The following POLG variants were observed in gnomAD, a reference collection of about 807,000 sequenced individuals.
POLG encodes the protein DNA polymerase subunit gamma-1.
Under a neutral mutation model 155.4 loss-of-function variants are expected in POLG, and 110 were observed. The observed-to-expected ratio is 0.71, with a 90% CI of 0.61 to 0.83. POLG has a LOEUF of 0.83. Among genes scored for constraint, POLG ranks in the 40% least tolerant of loss-of-function variants. POLG has a pLI of 0.00. For synonymous variants in POLG, 701 were observed against 631.5 expected (o/e 1.11, Z -1.65); for missense variants, 1,685 against 1,627.5 (o/e 1.04, Z -0.61).
At chr15:89,323,679 G>T in intron 12 of POLG, 136 bp downstream of exon 12, 1 of 846,504 alleles carries the variant, frequency 1.2e-6, no homozygotes. Flanking sequence ...ACACGTGTGG[G>T]GCCTCCCAGG....
intron 10 of POLG, among the ~76,000 whole-genome samples, chr15:89,325,087 AGTGAGTGAGTGAGAGAGTG>A (rs2055465084): frequency 2.1e-5 from 2 of 97,042 alleles, no homozygotes; most frequent in African/African-American, 1.2e-4. Flanking sequence ...TGAGTGAGAG[AGTGAGTGAGTGAGAGAGTG>A]AGAGAGAGTG....
intron 10 of POLG, among the ~76,000 whole-genome samples, chr15:89,325,087 AGTGAGTGAGT>A (rs1567189220): frequency 0.036 from 3,496 of 97,068 alleles, 762 homozygotes; most frequent in East Asian, 0.053. Flanking sequence ...TGAGTGAGAG[AGTGAGTGAGT>A]GAGAGAGTGA....
At position 89,333,590 on chromosome 15, in the gene POLG, CTGCTGT is replaced by C; in HGVS notation, c.159_164del (p.Gln54_Gln55del). ...AGGATAGCACTTGCGGCTGCTGAGG[CTGCTGT>C]TGCTGCTGCTGCTGCTGCTGCTGCT... On this transcript the variant is annotated inframe_deletion, in exon 2 of 23. Transcript: ENST00000268124. 1 of 1,603,002 alleles carries C rather than the reference CTGCTGT, an allele frequency of 6.2e-7. No homozygotes were observed. The highest frequency in any genetic ancestry group is 8.5e-7 in the Non-Finnish European group (1 of 1,176,208).
intron 10 of POLG, among the ~76,000 whole-genome samples, chr15:89,325,115 T>TGAGTGAGA (rs2055471519): frequency 6.8e-5 from 2 of 29,260 alleles, no homozygotes; most frequent in African/African-American, 5.2e-4. Context: ...TGAGAGAGAG[T>TGAGTGAGA]GAGTGAGTGA....
At chr15:89,327,844 A>G (rs1185620863) in intron 6 of POLG, among the ~76,000 whole-genome samples, 4 of 152,166 alleles carry the variant, frequency 2.6e-5, no homozygotes, top group African/African-American at 9.7e-5. Flanking sequence ...CGTGAAGGAT[A>G]GATATCTTTA....
chr15:89,321,370 G>A, intron 16 of POLG, 110 bp from the exon 17 acceptor site: 1 of 1,265,922 alleles, frequency 7.9e-7, no homozygotes, highest in Non-Finnish European at 1.1e-6. Context: ...TTTAGAGAAT[G>A]CCAGACAGCA....
chr15:89,329,235 G>T lies in POLG; in HGVS notation c.856-125C>A, dbSNP rs547714011. 4.1e-5 allele frequency: 31 copies of T among 762,910 alleles called. No homozygotes were observed. The East Asian group carries it at 8.0e-4, about 20-fold the overall frequency. 47.3% of individuals were successfully genotyped at this position (762,910 alleles called of 1,614,324 possible). A position where few individuals can be genotyped will look rare whatever the true frequency, so the allele number is the denominator to read the frequency against. ...GCTCCTCAAACAGCCTCCCCTCCCA[G>T]CACACAGCCTTCAACACCAAATACA... On this transcript the variant is annotated intron_variant, in intron 3 of 22. Coordinates refer to ENST00000268124, the MANE Select transcript of POLG (RefSeq NM_002693.3).
intron 18 of POLG, among the ~76,000 whole-genome samples, chr15:89,320,261 C>G (rs1438612364): frequency 6.6e-6 from 1 of 152,188 alleles, no homozygotes; most frequent in Admixed American, 6.5e-5. Flanking sequence ...TGCAGAGAGT[C>G]TGCTAAGGCC....
intron 14 of POLG, 78 bp from the exon 15 acceptor site, chr15:89,322,093 C>G (rs1158409226): frequency 1.5e-6 from 2 of 1,329,904 alleles, no homozygotes; most frequent in African/African-American, 1.4e-5. Flanking sequence ...TGGCCCTCAC[C>G]TGCCCACCTC....
At chr15:89,329,199 G>T in intron 3 of POLG, 89 bp from the exon 4 acceptor site, 2 of 1,120,938 alleles carry the variant, frequency 1.8e-6, no homozygotes, top group Non-Finnish European at 2.6e-6. Context: ...TGGACCTCCA[G>T]CCCCACCTCA....
intron 5 of POLG, 36 bp downstream of exon 5, chr15:89,328,649 C>T (rs748357249): frequency 1.7e-5 from 28 of 1,613,428 alleles, no homozygotes; most frequent in Non-Finnish European, 2.1e-5. Flanking sequence ...GGGTGTGCCA[C>T]AGCCCATGTC....
rs551979324 is a variant in POLG, at chr15:89,316,748, G to A, written c.*3C>T. On this transcript the variant is annotated 3_prime_UTR_variant, in exon 23 of 23. Coordinates refer to ENST00000268124, the MANE Select transcript of POLG (RefSeq NM_002693.3). The stretch of plus-strand genomic sequence containing the variant: ...GGAGCAAATACAGAGCCTCCAGGCA[G>A]TGCTATGGTCCAGGCTGGCTTCGTT... 6 of 1,609,680 alleles carry A rather than the reference G, an allele frequency of 3.7e-6. No individual in the cohort carries two copies. The African/African-American group carries it at 5.3e-5, about 14-fold the overall frequency.
chr15:89,334,576 C>T (rs2055646826), intron 1 of POLG, 97 bp downstream of exon 1: 1 of 152,170 alleles, frequency 6.6e-6, no homozygotes, highest in Admixed American at 6.5e-5. Context: ...TGGGACTAGC[C>T]GCCGCCCTGC....
intron 13 of POLG, 99 bp from the exon 14 acceptor site, chr15:89,323,001 A>G: frequency 8.1e-7 from 1 of 1,235,408 alleles, no homozygotes; most frequent in Non-Finnish European, 1.1e-6. Context: ...CTGAGCCCAG[A>G]ACCTCAGCAG....
chr15:89,325,042 G>GAGTGA (rs1391796049), intron 10 of POLG, among the ~76,000 whole-genome samples: 2 of 55,248 alleles, frequency 3.6e-5, no homozygotes, highest in African/African-American at 1.4e-4. Context: ...CCCAGAGAGT[G>GAGTGA]AGTGAGTGAG....
At chr15:89,318,480 G>C in intron 21 of POLG, 61 bp downstream of exon 21, 2 of 1,410,148 alleles carry the variant, frequency 1.4e-6, no homozygotes, top group East Asian at 4.6e-5. Context: ...CCCAAGGAAC[G>C]CTCACCCAAA....
chr15:89,325,045 T>G (rs368351069), intron 10 of POLG, among the ~76,000 whole-genome samples: 1 of 114,630 alleles, frequency 8.7e-6, no homozygotes, highest in African/African-American at 5.7e-5. Flanking sequence ...AGAGAGTGAG[T>G]GAGTGAGTGA....
At position 89,319,295 on chromosome 15, in the gene POLG, C is replaced by A. The variant is rs1307399071; in HGVS notation, c.3037G>T (p.Asp1013Tyr). 39 of 1,614,200 alleles carry A rather than the reference C, an allele frequency of 2.4e-5. No homozygotes were observed. The highest frequency in any genetic ancestry group is 3.2e-5 in the Non-Finnish European group (38 of 1,180,026). The change falls in exon 19 of 23, where the codon GAC (aspartate) becomes TAC (tyrosine). Residue 1013 changes from aspartate (D) to tyrosine (Y), a missense_variant. Around this residue, in one of 3 missense-constraint regions of POLG, gnomAD observed 470 missense variants for 439.9 expected, o/e 1.07. Transcript: ENST00000268124. ...WLVRELNLPV[D>Y]RTEGGWISLQ... is the part of the protein sequence containing the mutation. The stretch of plus-strand genomic sequence containing the variant: ...GAAATCCAGCCACCCTCAGTCCTGT[C>A]CACTGGGAGGTTCAACTCCCTCACC...
chr15:89,332,748 A>T (rs1255653126), intron 2 of POLG, among the ~76,000 whole-genome samples: 1 of 152,212 alleles, frequency 6.6e-6, no homozygotes, highest in Non-Finnish European at 1.5e-5. Context: ...AACACTGTTC[A>T]AATGACTTTT....
Sources: allele counts gnomAD v4.1 joint callset (sites outside exome capture counted in the v4.1 genomes callset), GRCh38; gene constraint gnomAD v4.1.1; regional missense constraint gnomAD v4.1.1; transcripts MANE v1.5; gene names NCBI Gene and HGNC (gene_info 2026-07-23, HGNC 2026-07-21).